Variants in FIG4 observed in about 807,000 individuals in gnomAD.
The protein encoded by FIG4 is FIG4 phosphoinositide 5-phosphatase.
FIG4 carries 112 observed loss-of-function variants against 118.6 expected under a neutral mutation model. That is an observed-to-expected ratio of 0.94 (90% CI 0.81 to 1.11). The LOEUF (loss-of-function observed/expected upper bound fraction) is 1.11. FIG4 is among the 50% of genes least tolerant of loss of function. The pLI, the probability that FIG4 is intolerant of heterozygous loss-of-function variation, is 0.00. For synonymous variants in FIG4, 369 were observed against 381.2 expected, an observed-to-expected ratio of 0.97 and a Z score of 0.37; for missense variants, 969 against 1,111.7, an observed-to-expected ratio of 0.87 and a Z score of 1.83.
At chr6:109,742,496 C>G (rs1583670540) in intron 8 of FIG4, among the ~76,000 whole-genome samples, 1 of 152,044 alleles carries the variant, frequency 6.6e-6, no homozygotes, top group East Asian at 1.9e-4. Context: ...CTTAAAATAG[C>G]AACATTGTTC....
chr6:109,736,758 C>T (rs1776170389), intron 6 of FIG4, among the ~76,000 whole-genome samples: 1 of 152,120 alleles, frequency 6.6e-6, no homozygotes, highest in African/African-American at 2.4e-5. Flanking sequence ...GATTACCTAG[C>T]TTAGTTGCTA....
chr6:109,754,061 A>G (rs1208186687), intron 10 of FIG4, among the ~76,000 whole-genome samples: 1 of 152,194 alleles, frequency 6.6e-6, no homozygotes, highest in Non-Finnish European at 1.5e-5. Context: ...ATTCAGTATG[A>G]TATTGGCTGT....
intron 16 of FIG4, among the ~76,000 whole-genome samples, chr6:109,780,058 G>A (rs1384860312): frequency 6.6e-6 from 1 of 152,138 alleles, no homozygotes; most frequent in African/African-American, 2.4e-5. Flanking sequence ...GTTAATACCT[G>A]GGTGACCTTG....
intron 16 of FIG4, among the ~76,000 whole-genome samples, chr6:109,780,873 A>G (rs1777782320): frequency 6.6e-6 from 1 of 152,260 alleles, no homozygotes; most frequent in Admixed American, 6.5e-5. Flanking sequence ...TGATCTGCCT[A>G]AAACCACTAA....
At chr6:109,744,353 G>C (rs912709290) in intron 10 of FIG4, among the ~76,000 whole-genome samples, 1 of 152,020 alleles carries the variant, frequency 6.6e-6, no homozygotes, top group African/African-American at 2.4e-5. Flanking sequence ...TATATGAATG[G>C]GCATACAGGT....
intron 15 of FIG4, among the ~76,000 whole-genome samples, chr6:109,771,190 G>A (rs1359741235): frequency 2.0e-5 from 3 of 152,180 alleles, no homozygotes; most frequent in African/African-American, 7.2e-5. Flanking sequence ...TTTTGTTAAA[G>A]CCCAACTCTT....
chr6:109,761,959 G>A, intron 11 of FIG4, 132 bp from the exon 12 acceptor site: 1 of 665,266 alleles, frequency 1.5e-6, no homozygotes, highest in Non-Finnish European at 2.7e-6. Context: ...TTTCTATCAA[G>A]TACCAGCCAA....
chr6:109,782,781 G>T (rs751007717), intron 16 of FIG4, among the ~76,000 whole-genome samples: 1 of 152,186 alleles, frequency 6.6e-6, no homozygotes, highest in Non-Finnish European at 1.5e-5. Context: ...ATTAGGAAAG[G>T]AAATGATATT....
At chr6:109,771,594 G>A (rs557536362) in intron 15 of FIG4, among the ~76,000 whole-genome samples, 15 of 147,588 alleles carry the variant, frequency 1.0e-4, no homozygotes, top group East Asian at 2.1e-4. Context: ...TCAGCCTCCC[G>A]AGTAGCTGGG....
At chr6:109,733,884 G>A (rs924206398) in intron 5 of FIG4, among the ~76,000 whole-genome samples, 9 of 151,896 alleles carry the variant, frequency 5.9e-5, no homozygotes, top group Non-Finnish European at 1.3e-4. Flanking sequence ...TTGTGATCAA[G>A]TCATTCTATA....
intron 10 of FIG4, among the ~76,000 whole-genome samples, chr6:109,759,435 AC>A (rs2128390817): frequency 6.6e-6 from 1 of 152,206 alleles, no homozygotes; most frequent in African/African-American, 2.4e-5. Context: ...AAGAAAAAAA[AC>A]TCACCATGCT....
At chr6:109,693,100 T>A (rs1774590585) in intron 1 of FIG4, among the ~76,000 whole-genome samples, 1 of 151,554 alleles carries the variant, frequency 6.6e-6, no homozygotes, top group South Asian at 2.1e-4. Context: ...TCAGAAATCT[T>A]CAGTGGTCCC....
intron 14 of FIG4, among the ~76,000 whole-genome samples, chr6:109,766,491 G>A (rs1777283287): frequency 6.6e-6 from 1 of 152,214 alleles, no homozygotes; most frequent in Non-Finnish European, 1.5e-5. Flanking sequence ...TCTGGCTTTG[G>A]TGGGCCATGT....
At chr6:109,749,847 G>T (rs1322043231) in intron 10 of FIG4, among the ~76,000 whole-genome samples, 1 of 152,052 alleles carries the variant, frequency 6.6e-6, no homozygotes, top group Non-Finnish European at 1.5e-5. Flanking sequence ...CTTGTTTATT[G>T]TTCTATTGCA....
chr6:109,747,871 G>T (rs982371997), intron 10 of FIG4, among the ~76,000 whole-genome samples: 10 of 152,040 alleles, frequency 6.6e-5, no homozygotes, highest in African/African-American at 1.9e-4. Context: ...CTGCAACCTT[G>T]AACTCCTGGC....
intron 7 of FIG4, among the ~76,000 whole-genome samples, chr6:109,738,923 C>T (rs554890745): frequency 1.3e-5 from 2 of 152,164 alleles, no homozygotes; most frequent in South Asian, 2.1e-4. Context: ...GCATAAAACT[C>T]CCAGGAGGTA....
chr6:109,813,353 C>G (rs916084646), intron 22 of FIG4, among the ~76,000 whole-genome samples: 1 of 152,176 alleles, frequency 6.6e-6, no homozygotes, highest in Non-Finnish European at 1.5e-5. Flanking sequence ...CCTCAGTACA[C>G]TGCAACTTTC....
chr6:109,824,128 C>T (rs527887719), intron 22 of FIG4, among the ~76,000 whole-genome samples: 39 of 152,178 alleles, frequency 2.6e-4, no homozygotes, highest in African/African-American at 5.8e-4. Context: ...GCCTTCCCCA[C>T]GGGGTGCATG....
chr6:109,793,296 C>T (rs144458371), intron 21 of FIG4, among the ~76,000 whole-genome samples: 18 of 152,330 alleles, frequency 1.2e-4, no homozygotes, highest in African/African-American at 4.3e-4. Context: ...GACCTTGCAT[C>T]ACTTTAGGTC....
Sources: gnomAD v4.1 joint callset for allele counts (sites outside exome capture counted in the v4.1 genomes callset) on GRCh38, gnomAD v4.1.1 for gene constraint, MANE v1.5 for transcripts, NCBI Gene and HGNC (gene_info 2026-07-23, HGNC 2026-07-21) for gene names.